CRTAP: variants seen among roughly 807,000 people sequenced by gnomAD.
CRTAP encodes the protein cartilage-associated protein.
CRTAP carries 33 observed loss-of-function variants against 42.7 expected under a neutral mutation model. The observed-to-expected ratio is 0.77, with a 90% CI of 0.59 to 1.03. The LOEUF is 1.03. CRTAP is among the 50% of genes least tolerant of loss of function. The pLI is 0.00. For missense variants in CRTAP, 613 were observed against 533.9 expected, an observed-to-expected ratio of 1.15 and a Z score of -1.46; for synonymous variants, 243 against 217.7, an observed-to-expected ratio of 1.12 and a Z score of -1.02.
intron 1 of CRTAP, among the ~76,000 whole-genome samples, chr3:33,117,107 C>CA (rs11384013): frequency 0.052 from 7,836 of 151,528 alleles, 661 homozygotes; most frequent in African/African-American, 0.18. Context: ...ACTCTTGTGT[C>CA]AAAAAAAAGT....
intron 5 of CRTAP, among the ~76,000 whole-genome samples, chr3:33,133,125 T>C (rs1286212646): frequency 6.6e-6 from 1 of 152,232 alleles, no homozygotes; most frequent in Non-Finnish European, 1.5e-5. Context: ...TTCTGATTTC[T>C]GAATCTGTAA....
intron 5 of CRTAP, 38 bp from the exon 6 acceptor site, chr3:33,134,144 G>A: frequency 1.4e-6 from 2 of 1,386,784 alleles, no homozygotes; most frequent in Non-Finnish European, 2.1e-6. Context: ...AGATGAAAAG[G>A]TTGGTCCTAT....
intron 4 of CRTAP, among the ~76,000 whole-genome samples, chr3:33,131,697 G>T (rs1440913230): frequency 1.3e-5 from 2 of 148,694 alleles, no homozygotes; most frequent in African/African-American, 2.6e-5. Context: ...CACCTACCAT[G>T]CTACATTGCT....
chr3:33,121,050 G>T (rs1417665130), intron 2 of CRTAP, among the ~76,000 whole-genome samples: 2 of 152,162 alleles, frequency 1.3e-5, no homozygotes, highest in African/African-American at 4.8e-5. Context: ...ACTCACTATT[G>T]TCAAGGTCTT....
rs765434106 is a variant in CRTAP at position 33,114,496 on chromosome 3, C to T, written c.419C>T (p.Ala140Val). Residue 140 changes from alanine to valine, a missense_variant, in exon 1 of 7, where the codon GCG becomes GTG. Transcript: ENST00000320954. The part of the protein sequence containing the change: ...RQSQPSREVL[A>V]DFQRREPYKF... Reference sequence around the variant, plus strand: ...TCCCAGCCCAGCCGCGAGGTGCTGGCGGACTTCCAGCGCCGCGAGCCCTAC... The same window carrying T: ...TCCCAGCCCAGCCGCGAGGTGCTGGTGGACTTCCAGCGCCGCGAGCCCTAC... 1.2e-6 allele frequency: 2 copies of T among 1,603,436 alleles called. No homozygotes were observed. Among genetic ancestry groups the T allele is most frequent in the South Asian group, 1.1e-5 (1 of 89,470 alleles).
At chr3:33,120,962 C>T (rs1057271450) in intron 2 of CRTAP, among the ~76,000 whole-genome samples, 3 of 152,134 alleles carry the variant, frequency 2.0e-5, no homozygotes, top group Non-Finnish European at 2.9e-5. Context: ...CTTAAATCTG[C>T]GCATCTACGA....
At chr3:33,133,595 AT>A (rs2030336187) in intron 5 of CRTAP, among the ~76,000 whole-genome samples, 2 of 152,110 alleles carry the variant, frequency 1.3e-5, no homozygotes, top group African/African-American at 4.8e-5. Context: ...ATATTTACTC[AT>A]ATATATAGTA....
chr3:33,139,889 C>CT (rs768768424), intron 6 of CRTAP, among the ~76,000 whole-genome samples: 1 of 152,146 alleles, frequency 6.6e-6, no homozygotes, highest in East Asian at 1.9e-4. Flanking sequence ...ATAAAAATGA[C>CT]TTTTTTGTGA....
intron 1 of CRTAP, among the ~76,000 whole-genome samples, chr3:33,115,961 A>T (rs1390015175): frequency 6.6e-6 from 1 of 152,248 alleles, no homozygotes; most frequent in Non-Finnish European, 1.5e-5. Context: ...AGGGAATGAG[A>T]TTAATAAAAT....
chr3:33,119,310 G>A (rs1274608179), intron 1 of CRTAP, among the ~76,000 whole-genome samples: 2 of 152,192 alleles, frequency 1.3e-5, no homozygotes, highest in African/African-American at 2.4e-5. Flanking sequence ...TCCAGATAAT[G>A]AATGACACAC....
In CRTAP at chr3:33,134,265, G is replaced by C; in HGVS notation, c.1152G>C (p.Glu384Asp). The change falls in exon 6 of 7, where the codon GAG becomes GAC. Residue 384 changes from glutamate (E) to aspartate (D), a missense_variant and splice_region_variant. Transcript: ENST00000320954. ...AGGAAAATATAATGGATGATGATGA[G>C]GTAAGTTTTCATGCTTAGCACATGT... is the stretch of plus-strand genomic sequence containing the variant. ...FAKENIMDDD[E>D]GEVVEYVDDL... is the part of the protein sequence containing the mutation. The C allele has an allele frequency of 6.3e-7, 1 of 1,589,700 alleles. No individual in the cohort carries two copies. Among genetic ancestry groups the C allele is most frequent in the Non-Finnish European group, 8.6e-7 (1 of 1,157,768 alleles).
intron 6 of CRTAP, among the ~76,000 whole-genome samples, chr3:33,141,313 C>T (rs938568099): frequency 2.0e-5 from 3 of 152,206 alleles, no homozygotes; most frequent in Non-Finnish European, 4.4e-5. Context: ...CATAATCCCT[C>T]TACTATGCTG....
rs2030748550 is a variant in CRTAP, at chr3:33,147,350, GTTATCC to G, written c.*4906_*4911del. 6.5e-6 allele frequency: 1 copy of G among 152,698 alleles called. No homozygotes were observed. Among genetic ancestry groups the G allele is most frequent in the Non-Finnish European group, 1.5e-5 (1 of 68,078 alleles). The allele number at this position is 152,698 out of a possible 1,614,324, so 9.5% of individuals were successfully genotyped here. A position where few individuals can be genotyped will look rare whatever the true frequency, so the allele number is the denominator to read the frequency against. Reference sequence around the variant, plus strand: ...GAAATAAGAATCAAGAGCAGCTATTGTTATCCTTAGAGTGTTTTCCGTCTAGGGCCG... The same window carrying G: ...GAAATAAGAATCAAGAGCAGCTATTGTTAGAGTGTTTTCCGTCTAGGGCCG... On this transcript the variant is annotated 3_prime_UTR_variant, in exon 7 of 7. Transcript: ENST00000320954.
chr3:33,114,317 C>T lies in CRTAP; in HGVS notation c.240C>T (p.Ser80=). The change falls in exon 1 of 7, where the codon AGC becomes AGT. Residue 80 remains serine (S), a synonymous_variant. Coordinates refer to ENST00000320954, the MANE Select transcript of CRTAP (RefSeq NM_006371.5). ...SLRLHRLLRD[S]EAFCHRNCSA... ...GGCTGCACCGCTTGCTGCGCGACAGCGAGGCCTTCTGCCACCGCAACTGCA... is the reference window on the plus strand; with the variant it reads ...GGCTGCACCGCTTGCTGCGCGACAGTGAGGCCTTCTGCCACCGCAACTGCA... 1.3e-6 allele frequency: 2 copies of T among 1,547,578 alleles called. No individual in the cohort carries two copies. The highest frequency in any genetic ancestry group is 2.8e-5 in the African/African-American group (2 of 71,614).
chr3:33,122,622 A>T (rs1464687234), intron 2 of CRTAP, among the ~76,000 whole-genome samples: 1 of 148,394 alleles, frequency 6.7e-6, no homozygotes, highest in Non-Finnish European at 1.5e-5. Context: ...GGCAGAGAGA[A>T]TTGCCTGAAC....
At chr3:33,117,450 A>G (rs1701356143) in intron 1 of CRTAP, among the ~76,000 whole-genome samples, 2 of 152,068 alleles carry the variant, frequency 1.3e-5, no homozygotes, top group Non-Finnish European at 2.9e-5. Context: ...TCACCAGCCT[A>G]CTCTAGGTCC....
At chr3:33,130,525 C>CTTTTTTTTT (rs765558103) in intron 4 of CRTAP, among the ~76,000 whole-genome samples, 316 of 55,196 alleles carry the variant, frequency 5.7e-3, no homozygotes, top group Non-Finnish European at 7.2e-3. Context: ...CTTTTCTTTT[C>CTTTTTTTTT]TTTTTTTTTT....
chr3:33,122,164 G>C (rs550115151), intron 2 of CRTAP, among the ~76,000 whole-genome samples: 1 of 152,204 alleles, frequency 6.6e-6, no homozygotes, highest in Non-Finnish European at 1.5e-5. Context: ...TCAGTGCCCT[G>C]GGCTTATCTG....
rs534679571 is a variant in CRTAP at position 33,114,071 on chromosome 3, G to A, written c.-7G>A. ...CGTCCCTTCCTTCCTTCCTTTCGCC[G>A]GGCGCGATGGAGCCGGGGCGCCGGG... is the stretch of plus-strand genomic sequence containing the variant. On this transcript the variant is annotated 5_prime_UTR_variant, in exon 1 of 7. Coordinates refer to ENST00000320954, the MANE Select transcript of CRTAP (RefSeq NM_006371.5). The A allele has an allele frequency of 2.1e-6, 3 of 1,456,406 alleles. No individual in the cohort carries two copies. In the South Asian group the frequency reaches 4.0e-5, roughly 19 times the overall value. 90.2% of individuals were successfully genotyped at this position (1,456,406 alleles called of 1,614,324 possible). A position where few individuals can be genotyped will look rare whatever the true frequency, so the allele number is the denominator to read the frequency against.
Sources: gnomAD v4.1 joint callset for allele counts (sites outside exome capture counted in the v4.1 genomes callset) on GRCh38, gnomAD v4.1.1 for gene constraint, MANE v1.5 for transcripts, NCBI Gene and HGNC (gene_info 2026-07-23, HGNC 2026-07-21) for gene names.